The following FLT1 variants were observed in gnomAD, a reference collection of about 807,000 sequenced individuals.
FLT1 encodes the protein fms related receptor tyrosine kinase 1.
A neutral mutation model predicts 156.3 loss-of-function variants in FLT1; 49 were observed. The ratio of observed to expected loss-of-function variants is 0.31; its 90% CI spans 0.25 to 0.40. The LOEUF (loss-of-function observed/expected upper bound fraction) is 0.40, where lower values mean the gene tolerates loss of function less well. FLT1 is among the 10% of genes least tolerant of loss of function. FLT1 has a pLI of 1.00. For synonymous variants in FLT1, 594 were observed against 583.8 expected (o/e 1.02, Z -0.25); for missense variants, 1,322 against 1,637.2 (o/e 0.81, Z 3.32).
chr13:28,468,822 G>A (rs964718604), intron 1 of FLT1, among the ~76,000 whole-genome samples: 2 of 152,178 alleles, frequency 1.3e-5, no homozygotes, highest in Non-Finnish European at 2.9e-5. Flanking sequence ...TGTACAGCCT[G>A]GAGAACTGTG....
At chr13:28,339,826 A>C (rs984974821) in intron 16 of FLT1, among the ~76,000 whole-genome samples, 3 of 152,230 alleles carry the variant, frequency 2.0e-5, no homozygotes, top group African/African-American at 7.2e-5. Context: ...TGAAGTGTTT[A>C]AACTTTCAGA....
rs1249439267 is a variant in FLT1, at chr13:28,418,612, G to C, written c.1436+8547C>G. Among the ~76,000 whole-genome samples, 3 of 152,106 alleles carry C rather than the reference G, an allele frequency of 2.0e-5. No individual in the cohort carries two copies. The East Asian group carries it at 5.8e-4, about 29-fold the overall frequency. On this transcript the variant is annotated intron_variant, in intron 10 of 29. Coordinates refer to ENST00000282397, the MANE Select transcript of FLT1 (RefSeq NM_002019.4). Reference sequence around the variant, plus strand: ...TTTATTTAAGACAGGGTCTCACTCTGTCTCCCAGGCTGGAGTTCAGTGACG... The same window carrying C: ...TTTATTTAAGACAGGGTCTCACTCTCTCTCCCAGGCTGGAGTTCAGTGACG...
chr13:28,429,316 C>T (rs1877536754), intron 8 of FLT1, among the ~76,000 whole-genome samples: 1 of 152,112 alleles, frequency 6.6e-6, no homozygotes, highest in African/African-American at 2.4e-5. Flanking sequence ...CGCCACATCC[C>T]TATTGTATGG....
In FLT1 at chr13:28,303,036, A is replaced by C. The variant is rs1356443969; in HGVS notation, c.*131T>G. 1 of 777,116 alleles carries C rather than the reference A, an allele frequency of 1.3e-6. No homozygotes were observed. Among genetic ancestry groups the C allele is most frequent in the African/African-American group, 1.8e-5 (1 of 56,996 alleles). The allele number at this position is 777,116 out of a possible 1,614,324, so 48.1% of individuals were successfully genotyped here. On this transcript the variant is annotated 3_prime_UTR_variant, in exon 30 of 30. Transcript: ENST00000282397. ...AAAAAAAAAAAGCACTATTAAAAAAATCACAAAAAGCAGCTGGCTCCCATG... is the reference window on the plus strand; with the variant it reads ...AAAAAAAAAAAGCACTATTAAAAAACTCACAAAAAGCAGCTGGCTCCCATG...
intron 12 of FLT1, among the ~76,000 whole-genome samples, chr13:28,391,292 C>A (rs1471778839): frequency 2.0e-5 from 3 of 152,114 alleles, no homozygotes; most frequent in Non-Finnish European, 4.4e-5. Flanking sequence ...TCTTGGGACC[C>A]CAAAATCACT....
chr13:28,427,619 C>G (rs1318634893), intron 9 of FLT1, 133 bp downstream of exon 9: 2 of 838,176 alleles, frequency 2.4e-6, no homozygotes, highest in Non-Finnish European at 4.0e-6. Flanking sequence ...GGGAACTTAA[C>G]GTTAAGTGTT....
chr13:28,449,535 G>A (rs1376388506), intron 3 of FLT1, among the ~76,000 whole-genome samples: 1 of 151,902 alleles, frequency 6.6e-6, no homozygotes. Context: ...AAATTCAAAG[G>A]TGATAAAAAA....
intron 12 of FLT1, 121 bp from the exon 13 acceptor site, chr13:28,390,225 G>C: frequency 1.5e-6 from 2 of 1,339,786 alleles, no homozygotes; most frequent in Non-Finnish European, 2.0e-6. Context: ...TAAAAAGGAT[G>C]AGTATTTGGG....
At chr13:28,464,275 C>T (rs1055390875) in intron 3 of FLT1, among the ~76,000 whole-genome samples, 1 of 152,046 alleles carries the variant, frequency 6.6e-6, no homozygotes, top group African/African-American at 2.4e-5. Flanking sequence ...TCCTAATGTC[C>T]AACAAATTAT....
chr13:28,310,185 C>T (rs9554317), intron 27 of FLT1, among the ~76,000 whole-genome samples: 104,250 of 151,980 alleles, frequency 0.69, 39,081 homozygotes, highest in East Asian at 1. Context: ...CCACTGTGCC[C>T]GGCCGCAAGC....
At chr13:28,438,799 AG>A (rs1367470609) in intron 3 of FLT1, among the ~76,000 whole-genome samples, 1 of 152,236 alleles carries the variant, frequency 6.6e-6, no homozygotes, top group African/African-American at 2.4e-5. Context: ...GTGATGCAGA[AG>A]TCTAGCAAGT....
At chr13:28,315,057 A>G (rs1871145196) in intron 25 of FLT1, among the ~76,000 whole-genome samples, 1 of 152,192 alleles carries the variant, frequency 6.6e-6, no homozygotes, top group South Asian at 2.1e-4. Flanking sequence ...CTCTGGACTC[A>G]AGCTGAATTC....
intron 6 of FLT1, among the ~76,000 whole-genome samples, chr13:28,431,905 TA>T (rs869184619): frequency 1.5e-5 from 1 of 67,286 alleles, no homozygotes; most frequent in Admixed American, 1.2e-4. Context: ...GGAATAATGC[TA>T]TAGTTTCATT....
At chr13:28,459,585 A>G (rs1162840411) in intron 3 of FLT1, among the ~76,000 whole-genome samples, 7 of 152,232 alleles carry the variant, frequency 4.6e-5, no homozygotes. Context: ...ACCAAGCAAT[A>G]TTAGATAACG....
Position 28,382,445 on chromosome 13 carries a change from A to G in FLT1, c.2116+2440T>C, listed in dbSNP as rs532546845. 2.6e-5 allele frequency among the ~76,000 whole-genome samples: 4 copies of G among 152,384 alleles called. No homozygotes were observed. The South Asian group carries it at 8.3e-4, about 32-fold the overall frequency. On this transcript the variant is annotated intron_variant, in intron 14 of 29. Coordinates refer to ENST00000282397, the MANE Select transcript of FLT1 (RefSeq NM_002019.4). ...TAGGCAGGGGCTAGATATTGAGGGCATTCTCTGTCAGATTCTTGAACTTCA... is the reference window on the plus strand; with the variant it reads ...TAGGCAGGGGCTAGATATTGAGGGCGTTCTCTGTCAGATTCTTGAACTTCA...
At chr13:28,350,286 G>A (rs1269903184) in intron 15 of FLT1, among the ~76,000 whole-genome samples, 1 of 152,174 alleles carries the variant, frequency 6.6e-6, no homozygotes, top group Non-Finnish European at 1.5e-5. Context: ...CAAGAATATA[G>A]CCAATTTGAA....
chr13:28,418,494 C>T (rs901984369), intron 10 of FLT1, among the ~76,000 whole-genome samples: 2 of 152,210 alleles, frequency 1.3e-5, no homozygotes, highest in Non-Finnish European at 2.9e-5. Context: ...TGGGAATCCA[C>T]AGGGATGTCC....
intron 1 of FLT1, among the ~76,000 whole-genome samples, chr13:28,478,798 T>C (rs1198361179): frequency 7.9e-5 from 12 of 152,216 alleles, no homozygotes; most frequent in African/African-American, 2.9e-4. Flanking sequence ...GACAGACAAG[T>C]GTGCACCTTA....
In FLT1 at chr13:28,440,354, G is replaced by A. The variant is rs139359143; in HGVS notation, c.389-2009C>T. 5.3e-5 allele frequency among the ~76,000 whole-genome samples: 8 copies of A among 152,324 alleles called. No homozygotes were observed. The East Asian group carries it at 1.5e-3, about 29-fold the overall frequency. ...CAGGTGAAATGAGTTGTCTAGATGG[G>A]CACAGCCAGGCCTGTAGGCCAGTTA... On this transcript the variant is annotated intron_variant, in intron 3 of 29. Coordinates refer to ENST00000282397, the MANE Select transcript of FLT1 (RefSeq NM_002019.4).
Sources: gnomAD v4.1 joint callset for allele counts (sites outside exome capture counted in the v4.1 genomes callset) on GRCh38, gnomAD v4.1.1 for gene constraint, MANE v1.5 for transcripts, NCBI Gene and HGNC (gene_info 2026-07-23, HGNC 2026-07-21) for gene names.